Variants in LAMA5 observed in about 807,000 individuals in gnomAD.
LAMA5 encodes the protein laminin subunit alpha-5.
Under a neutral mutation model 433.4 loss-of-function variants are expected in LAMA5, and 260 were observed. The ratio of observed to expected loss-of-function variants is 0.60; its 90% CI spans 0.54 to 0.66. The LOEUF (loss-of-function observed/expected upper bound fraction) is 0.66, where lower values mean the gene tolerates loss of function less well. LAMA5 is among the 30% of genes least tolerant of loss of function. The pLI is 0.00. For synonymous variants in LAMA5, 2,620 were observed against 2,226.6 expected, an observed-to-expected ratio of 1.18 and a Z score of -4.97; for missense variants, 5,378 against 5,258.5, an observed-to-expected ratio of 1.02 and a Z score of -0.70.
rs777549540 is a variant in LAMA5 at position 62,336,300 on chromosome 20, C to T, written c.2323+40G>A. ...GGATATACTTGTGGGCACAGTTCCCCAAGGAACCCCTGTACCCCAATACTC... is the reference window on the plus strand; with the variant it reads ...GGATATACTTGTGGGCACAGTTCCCTAAGGAACCCCTGTACCCCAATACTC... On this transcript the variant is annotated intron_variant, in intron 18 of 79. Coordinates refer to ENST00000252999, the MANE Select transcript of LAMA5 (RefSeq NM_005560.6). 3 of 1,435,454 alleles carry T rather than the reference C, an allele frequency of 2.1e-6. No individual in the cohort carries two copies. The South Asian group carries it at 3.8e-5, about 18-fold the overall frequency. The allele number at this position is 1,435,454 out of a possible 1,614,324, so 88.9% of individuals were successfully genotyped here.
rs766903424 is a variant in LAMA5, at chr20:62,332,485, G to C, written c.3444-5C>G. The C allele has an allele frequency of 7.4e-6, 12 of 1,611,136 alleles. No homozygotes were observed. Among genetic ancestry groups the C allele is most frequent in the Admixed American group, 3.3e-5 (2 of 59,974 alleles). ...GCAGTGCCCCGGCACAGGGTGCTGT[G>C]GGGGGAGGGTGGTCAGCAGGTGGGG... On this transcript the variant is annotated splice_region_variant and splice_polypyrimidine_tract_variant and intron_variant, in intron 27 of 79. Transcript: ENST00000252999.
At chr20:62,345,745 C>A in intron 11 of LAMA5, 73 bp downstream of exon 11, 1 of 1,094,152 alleles carries the variant, frequency 9.1e-7, no homozygotes. Flanking sequence ...TCCCTTTCTC[C>A]AGGAACTTTC....
Position 62,324,364 on chromosome 20 carries a change from G to T in LAMA5, c.5643+77C>A. ...AGACCTCAGTTGACCTGGAAGTGCAGCCCCTGGTCTTCCCTGGCACACTTG... is the reference window on the plus strand; with the variant it reads ...AGACCTCAGTTGACCTGGAAGTGCATCCCCTGGTCTTCCCTGGCACACTTG... On this transcript the variant is annotated intron_variant, in intron 42 of 79. Coordinates refer to ENST00000252999, the MANE Select transcript of LAMA5 (RefSeq NM_005560.6). The surrounding 1 kb of genome is among the most constrained non-coding windows in gnomAD (Gnocchi z 4.4). 1 of 1,430,226 alleles carries T rather than the reference G, an allele frequency of 7.0e-7. No individual in the cohort carries two copies. The highest frequency in any genetic ancestry group is 9.7e-7 in the Non-Finnish European group (1 of 1,033,002). The allele number at this position is 1,430,226 out of a possible 1,614,324, so 88.6% of individuals were successfully genotyped here. A position where few individuals can be genotyped will look rare whatever the true frequency, so the allele number is the denominator to read the frequency against.
At chr20:62,309,502 G>A (rs999960986) in intron 79 of LAMA5, 27 bp from the exon 80 acceptor site, 5 of 1,550,760 alleles carry the variant, frequency 3.2e-6, no homozygotes, top group Middle Eastern at 2.3e-4. Context: ...GATGGAAGAA[G>A]GCTGGTTGGT....
In LAMA5 at chr20:62,316,786, G is replaced by C. The variant is rs538748599; in HGVS notation, c.7654-13C>G. 2.5e-6 allele frequency: 4 copies of C among 1,593,352 alleles called. No individual in the cohort carries two copies. The highest frequency in any genetic ancestry group is 1.3e-5 in the African/African-American group (1 of 74,458). ...GCCGCACCACCGTCTGTGGATGCCAGGGCAGACCGTGGCTCAGACACGCAG... is the reference window on the plus strand; with the variant it reads ...GCCGCACCACCGTCTGTGGATGCCACGGCAGACCGTGGCTCAGACACGCAG... On this transcript the variant is annotated splice_polypyrimidine_tract_variant and intron_variant, in intron 56 of 79. Transcript: ENST00000252999.
chr20:62,326,582 G>A (rs954651066), intron 40 of LAMA5, 95 bp downstream of exon 40: 42 of 1,019,590 alleles, frequency 4.1e-5, no homozygotes, highest in Middle Eastern at 6.3e-4. Flanking sequence ...TTTCCACCAC[G>A]GAGAATGGGC....
chr20:62,320,939 G>C (rs1274292408), intron 48 of LAMA5, 49 bp from the exon 49 acceptor site: 3 of 1,566,034 alleles, frequency 1.9e-6, no homozygotes, highest in Non-Finnish European at 2.6e-6. Flanking sequence ...TCAGGCCAGG[G>C]GAGAATGATC....
At position 62,326,886 on chromosome 20, in the gene LAMA5, G is replaced by C; in HGVS notation, c.5193C>G (p.Ser1731Arg). The part of the protein sequence containing the change: ...QRGDVFVPME[S>R]RPDVVLQGNQ... Reference sequence around the variant, plus strand: ...TCACCTGCAGCACCACATCCGGCCTGCTCTCCATGGGGACAAAGACATCTC... The same window carrying C: ...TCACCTGCAGCACCACATCCGGCCTCCTCTCCATGGGGACAAAGACATCTC... The change falls in exon 39 of 80, where the codon AGC (serine) becomes AGG (arginine). Residue 1731 changes from serine (S) to arginine (R), a missense_variant. Ser to Arg is a moderately radical substitution (Grantham distance 110, BLOSUM62 -1). Transcript: ENST00000252999. The C allele has an allele frequency of 6.2e-7, 1 of 1,612,048 alleles. No individual in the cohort carries two copies. The highest frequency in any genetic ancestry group is 8.5e-7 in the Non-Finnish European group (1 of 1,179,144).
intron 72 of LAMA5, 21 bp from the exon 73 acceptor site, chr20:62,311,328 T>G: frequency 6.5e-7 from 1 of 1,537,392 alleles, no homozygotes; most frequent in Non-Finnish European, 8.7e-7. Context: ...GGATGGTGAA[T>G]GCAGGGGCCG....
At chr20:62,337,441 A>G (rs1981852474) in intron 16 of LAMA5, 149 bp downstream of exon 16, 1 of 1,080,858 alleles carries the variant, frequency 9.3e-7, no homozygotes, top group African/African-American at 1.6e-5. Flanking sequence ...GCATGTGAAC[A>G]AGGTGCGAAC....
At chr20:62,317,251 G>A in intron 55 of LAMA5, 94 bp downstream of exon 55, 1 of 1,347,238 alleles carries the variant, frequency 7.4e-7, no homozygotes, top group Non-Finnish European at 9.8e-7. Context: ...AACGGCCTCA[G>A]CCCCTAGGAG....
At chr20:62,356,485 C>T (rs1555885270) in intron 2 of LAMA5, 1 of 152,438 alleles carries the variant, frequency 6.6e-6, no homozygotes. Flanking sequence ...ACAAAAGCTG[C>T]CTGAGTTATT....
chr20:62,320,591 G>T lies in LAMA5; in HGVS notation c.6727C>A (p.Leu2243Ile). 1 of 1,605,242 alleles carries T rather than the reference G, an allele frequency of 6.2e-7. No homozygotes were observed. ...LEVLEQQSTS[L>I]GQDARRLGGQ... ...CCTAGCCGCCGTGCGTCCTGCCCGA[G>T]GCTTGTGCTCTGCTGCTCCAGCACC... The change falls in exon 50 of 80, where the codon CTC becomes ATC. Residue 2243 changes from leucine to isoleucine, a missense_variant. Leu to Ile is a conservative substitution (Grantham distance 5). Transcript: ENST00000252999.
At chr20:62,362,650 C>A in intron 1 of LAMA5, 98 bp from the exon 2 acceptor site, 2 of 1,145,196 alleles carry the variant, frequency 1.7e-6, no homozygotes, top group South Asian at 4.1e-5. Flanking sequence ...CCTGGTCCCA[C>A]TGAGCTGGTT....
chr20:62,311,257 G>T lies in LAMA5; in HGVS notation c.9993C>A (p.Pro3331=), dbSNP rs1986237664. ...AGTCTCGGGTGGTCCTGAGGTGTGG[G>T]GGCAGCATGCAGGCAGGATGCCGGG... ...QPARHPACML[P]PHLRTTRDSY... is the part of the protein sequence containing the mutation. Residue 3331 remains proline, a synonymous_variant, in exon 73 of 80, where the codon CCC becomes CCA. Transcript: ENST00000252999. The T allele has an allele frequency of 6.2e-7, 1 of 1,606,144 alleles. No homozygotes were observed. The highest frequency in any genetic ancestry group is 1.3e-5 in the African/African-American group (1 of 74,590).
At chr20:62,360,723 G>A (rs542902323) in intron 2 of LAMA5, among the ~76,000 whole-genome samples, 24 of 149,790 alleles carry the variant, frequency 1.6e-4, no homozygotes, top group Middle Eastern at 3.4e-3. Context: ...TCTTCCCTCC[G>A]TATCATTTTA....
Position 62,366,965 on chromosome 20 carries a change from G to A in LAMA5, c.281C>T (p.Pro94Leu), listed in dbSNP as rs756506862. The change falls in exon 1 of 80, where the codon CCC becomes CTC. Residue 94 changes from proline to leucine, a missense_variant. By Grantham distance (98) the Pro-to-Leu change is moderately conservative. Transcript: ENST00000252999. Reference protein sequence around the residue: ...LVGGPVAGGDPNQTIRGQYCD... With the variant: ...LVGGPVAGGDLNQTIRGQYCD... ...TGCGCTCACCCGGATGGTCTGGTTG[G>A]GGTCGCCGCCGGCCACGGGGCCCCC... is the stretch of plus-strand genomic sequence containing the variant. The A allele has an allele frequency of 5.5e-6, 7 of 1,274,964 alleles. No individual in the cohort carries two copies. The East Asian group carries it at 2.0e-4, about 37-fold the overall frequency. The allele number at this position is 1,274,964 out of a possible 1,614,324, so 79.0% of individuals were successfully genotyped here.
In LAMA5 at chr20:62,310,285, C is replaced by T. The variant is rs754124944; in HGVS notation, c.10627G>A (p.Val3543Met). Residue 3543 changes from valine to methionine, a missense_variant, in exon 77 of 80, where the codon GTG becomes ATG. Transcript: ENST00000252999. ...GGCCGCACCTCCAGTTCCAGGCCCACATCAGGCAGTGTAGCTCCTGGGAGG... is the reference window on the plus strand; with the variant it reads ...GGCCGCACCTCCAGTTCCAGGCCCATATCAGGCAGTGTAGCTCCTGGGAGG... ...LDLPGATLPDVGLELEVRPLA... is the reference protein window; with the variant it reads ...LDLPGATLPDMGLELEVRPLA... 5 of 1,609,992 alleles carry T rather than the reference C, an allele frequency of 3.1e-6. No homozygotes were observed. The African/African-American group carries it at 5.3e-5, about 17-fold the overall frequency.
chr20:62,320,925 T>G, intron 48 of LAMA5, 35 bp from the exon 49 acceptor site: 1 of 1,590,426 alleles, frequency 6.3e-7, no homozygotes, highest in South Asian at 1.1e-5. Context: ...TCAGTGTCAT[T>G]GGGTCAGGCC....
Sources: allele counts gnomAD v4.1 joint callset (sites outside exome capture counted in the v4.1 genomes callset), GRCh38; gene constraint gnomAD v4.1.1; non-coding constraint Gnocchi (gnomAD v3.1); transcripts MANE v1.5; gene names NCBI Gene and HGNC (gene_info 2026-07-23, HGNC 2026-07-21).